The following PPFIA2 variants were observed in gnomAD, a reference collection of about 807,000 sequenced individuals.
PPFIA2 encodes the protein liprin-alpha-2.
In PPFIA2, 46 loss-of-function variants were observed where a neutral mutation model predicts 175.5. The ratio of observed to expected loss-of-function variants is 0.26; its 90% confidence interval spans 0.21 to 0.34. PPFIA2 has a LOEUF of 0.34. PPFIA2 is among the 10% of genes least tolerant of loss of function. The probability of loss-of-function intolerance (pLI) is 1.00; values close to 1 mark genes in which losing one functional copy is unlikely to be tolerated. For missense variants in PPFIA2, 1,179 were observed against 1,506.1 expected (o/e 0.78, Z 3.60); for synonymous variants, 568 against 511.4 (o/e 1.11, Z -1.49).
At chr12:81,661,935 G>A (rs1045759105) in intron 4 of PPFIA2, among the ~76,000 whole-genome samples, 2 of 152,118 alleles carry the variant, frequency 1.3e-5, no homozygotes, top group Non-Finnish European at 2.9e-5. Context: ...TGAACAACCT[G>A]CTCCTGAATG....
rs746702071 is a variant in PPFIA2 at position 81,540,389 on chromosome 12, C to T, written c.304-82523G>A. On this transcript the variant is annotated intron_variant, in intron 4 of 32. Transcript: ENST00000549396. ...CCTCTCAGAGTTTCTGCATGTTTAA[C>T]GATACAAATGTGTACAGAAAGTAAA... Among the ~76,000 whole-genome samples, 65 of 152,050 alleles carry T rather than the reference C, an allele frequency of 4.3e-4. 1 individual carries two copies. The Middle Eastern group carries it at 0.014, about 32-fold the overall frequency.
At chr12:81,641,892 G>C (rs1456924333) in intron 4 of PPFIA2, among the ~76,000 whole-genome samples, 2 of 152,102 alleles carry the variant, frequency 1.3e-5, no homozygotes, top group Non-Finnish European at 2.9e-5. Flanking sequence ...GGAAAACTCT[G>C]CTCTAGTCAA....
chr12:81,439,752 T>C (rs2049815319), intron 7 of PPFIA2: 1 of 493,572 alleles, frequency 2.0e-6, no homozygotes, highest in Non-Finnish European at 3.5e-6. Context: ...CACATGTCAC[T>C]AGCTTTTGAT....
chr12:81,512,463 T>C (rs2061919497), intron 4 of PPFIA2: 1 of 623,678 alleles, frequency 1.6e-6, no homozygotes, highest in African/African-American at 2.0e-5. Flanking sequence ...TCCTTTAAAG[T>C]TAACTCATTA....
At chr12:81,752,646 C>A (rs1487278154) in intron 3 of PPFIA2, among the ~76,000 whole-genome samples, 46 of 152,128 alleles carry the variant, frequency 3.0e-4, no homozygotes, top group Admixed American at 2.9e-3. Flanking sequence ...TCTTAGTGAT[C>A]CTTTCCATTT....
At chr12:81,525,294 G>T (rs1594478514) in intron 4 of PPFIA2, among the ~76,000 whole-genome samples, 1 of 152,090 alleles carries the variant, frequency 6.6e-6, no homozygotes, top group African/African-American at 2.4e-5. Flanking sequence ...CCTCACCAAG[G>T]TGAAGAGGTG....
chr12:81,693,913 G>A (rs1042073657), intron 3 of PPFIA2, among the ~76,000 whole-genome samples: 2 of 152,022 alleles, frequency 1.3e-5, no homozygotes, highest in African/African-American at 4.8e-5. Flanking sequence ...CCTACTATAG[G>A]GATCTGTGGA....
At chr12:81,757,259 G>C (rs2084831272) in intron 2 of PPFIA2, among the ~76,000 whole-genome samples, 1 of 152,154 alleles carries the variant, frequency 6.6e-6, no homozygotes, top group Non-Finnish European at 1.5e-5. Flanking sequence ...TCAATGTCTA[G>C]TGCGTTTCAC....
chr12:81,669,338 T>G (rs895705745), intron 4 of PPFIA2, among the ~76,000 whole-genome samples: 41 of 152,002 alleles, frequency 2.7e-4, no homozygotes, highest in African/African-American at 9.4e-4. Flanking sequence ...GCTAGAGTTA[T>G]CATTGTGAGC....
In PPFIA2 at chr12:81,281,400, C is replaced by A. The variant is rs2042060848; in HGVS notation, c.3069G>T (p.Trp1023Cys). 2 of 1,611,836 alleles carry A rather than the reference C, an allele frequency of 1.2e-6. No individual in the cohort carries two copies. The highest frequency in any genetic ancestry group is 1.7e-6 in the Non-Finnish European group (2 of 1,178,334). The change falls in exon 27 of 33, where the codon TGG becomes TGT. Residue 1023 changes from tryptophan (W) to cysteine (C), a missense_variant. Trp to Cys is a radical substitution (Grantham distance 215). Around this residue, in one of 10 missense-constraint regions of PPFIA2, gnomAD observed 245 missense variants for 375.1 expected, o/e 0.65. Transcript: ENST00000549396. ...AGCTGGGAAGCCATTCATTTCCAAT[C>A]CACTCATGATTCATATCTCCATAAG... ...TLAYGDMNHEWIGNEWLPSLG... is the reference protein window; with the variant it reads ...TLAYGDMNHECIGNEWLPSLG...
At chr12:81,737,675 T>C (rs2081790921) in intron 3 of PPFIA2, among the ~76,000 whole-genome samples, 1 of 148,620 alleles carries the variant, frequency 6.7e-6, no homozygotes, top group Non-Finnish European at 1.5e-5. Context: ...TTAAACAAAA[T>C]TAAAAACAAA....
At chr12:81,434,947 T>G (rs1473250211) in intron 7 of PPFIA2, among the ~76,000 whole-genome samples, 1 of 152,164 alleles carries the variant, frequency 6.6e-6, no homozygotes. Context: ...ACTTTTTCTA[T>G]TCCTGTCATA....
intron 9 of PPFIA2, among the ~76,000 whole-genome samples, chr12:81,379,045 C>T (rs892917383): frequency 3.9e-5 from 6 of 152,056 alleles, no homozygotes; most frequent in Admixed American, 1.3e-4. Context: ...CACTCTATGA[C>T]GTAGATTACA....
chr12:81,555,403 C>T (rs2068670721), intron 4 of PPFIA2, among the ~76,000 whole-genome samples: 1 of 151,910 alleles, frequency 6.6e-6, no homozygotes, highest in South Asian at 2.1e-4. Flanking sequence ...TTCACTGATA[C>T]TCTTAGTCAA....
At chr12:81,518,402 C>T (rs1401450865) in intron 4 of PPFIA2, among the ~76,000 whole-genome samples, 1 of 152,124 alleles carries the variant, frequency 6.6e-6, no homozygotes, top group Non-Finnish European at 1.5e-5. Context: ...GCTTTTACTC[C>T]CTCAAATAGC....
chr12:81,311,631 G>T (rs1431674630), intron 22 of PPFIA2, among the ~76,000 whole-genome samples: 2 of 151,522 alleles, frequency 1.3e-5, no homozygotes, highest in African/African-American at 4.9e-5. Flanking sequence ...TACTCGGGAG[G>T]CTGAGGCAGG....
At chr12:81,644,912 C>A (rs1360912488) in intron 4 of PPFIA2, among the ~76,000 whole-genome samples, 1 of 147,184 alleles carries the variant, frequency 6.8e-6, no homozygotes, top group Non-Finnish European at 1.5e-5. Context: ...GTAGCAATTT[C>A]AGTTATTAAG....
intron 3 of PPFIA2, among the ~76,000 whole-genome samples, chr12:81,716,382 T>G (rs978618333): frequency 4.6e-5 from 7 of 151,774 alleles, no homozygotes; most frequent in African/African-American, 1.7e-4. Flanking sequence ...GCTCATGCTT[T>G]TCAACTCTTT....
intron 21 of PPFIA2, among the ~76,000 whole-genome samples, chr12:81,329,805 T>G (rs1349716373): frequency 6.6e-6 from 1 of 152,210 alleles, no homozygotes; most frequent in Non-Finnish European, 1.5e-5. Flanking sequence ...CTACTTCCCT[T>G]CTGGTCCCAG....
Sources: gnomAD v4.1 joint callset for allele counts (sites outside exome capture counted in the v4.1 genomes callset) on GRCh38, gnomAD v4.1.1 for gene constraint, gnomAD v4.1.1 regional missense constraint, MANE v1.5 for transcripts, NCBI Gene and HGNC (gene_info 2026-07-23, HGNC 2026-07-21) for gene names.